The following AOAH variants were observed in gnomAD, a reference collection of about 807,000 sequenced individuals.
AOAH encodes acyloxyacyl hydrolase (neutrophil).
A neutral mutation model predicts 92.2 loss-of-function variants in AOAH; 64 were observed. The ratio of observed to expected loss-of-function variants is 0.69; its 90% CI spans 0.57 to 0.86. The LOEUF is 0.86. Among genes scored for constraint, AOAH ranks in the 40% least tolerant of loss-of-function variants. The pLI, the probability that AOAH is intolerant of heterozygous loss-of-function variation, is 0.00. For missense variants in AOAH, 656 were observed against 694.6 expected (o/e 0.94, Z 0.62); for synonymous variants, 263 against 254.5 (o/e 1.03, Z -0.32).
intron 13 of AOAH, among the ~76,000 whole-genome samples, chr7:36,559,747 C>T (rs1325640454): frequency 1.3e-5 from 2 of 152,044 alleles, no homozygotes; most frequent in African/African-American, 2.4e-5. Flanking sequence ...AATTAGGTCC[C>T]ACTTGTCAAT....
chr7:36,613,392 A>C (rs1791617043), intron 11 of AOAH, among the ~76,000 whole-genome samples: 1 of 152,254 alleles, frequency 6.6e-6, no homozygotes, highest in African/African-American at 2.4e-5. Flanking sequence ...AGCAGGAAAC[A>C]CAGAGAGTCT....
chr7:36,624,209 C>T (rs992079441), intron 6 of AOAH, among the ~76,000 whole-genome samples: 3 of 152,198 alleles, frequency 2.0e-5, no homozygotes. Flanking sequence ...GCATTTCATC[C>T]AATTCTTTGT....
intron 12 of AOAH, among the ~76,000 whole-genome samples, chr7:36,586,935 T>C (rs538269797): frequency 1.3e-5 from 2 of 152,190 alleles, no homozygotes; most frequent in African/African-American, 4.8e-5. Flanking sequence ...CATGTGCTTC[T>C]GCATTCAGTC....
chr7:36,559,424 T>G (rs1386510250), intron 13 of AOAH, among the ~76,000 whole-genome samples: 1 of 152,228 alleles, frequency 6.6e-6, no homozygotes, highest in African/African-American at 2.4e-5. Flanking sequence ...TTTCTGACTT[T>G]GTAATAATAG....
intron 3 of AOAH, among the ~76,000 whole-genome samples, chr7:36,661,506 G>T (rs1795211992): frequency 6.6e-6 from 1 of 152,142 alleles, no homozygotes; most frequent in African/African-American, 2.4e-5. Context: ...GTATTTTCCT[G>T]ACCTTTAGTC....
intron 1 of AOAH, among the ~76,000 whole-genome samples, chr7:36,690,634 T>G (rs1797340412): frequency 6.6e-6 from 1 of 152,212 alleles, no homozygotes; most frequent in African/African-American, 2.4e-5. Context: ...GACCTGGCTC[T>G]GTTAAAGTGA....
At chr7:36,582,434 C>A (rs374884310) in intron 12 of AOAH, among the ~76,000 whole-genome samples, 4 of 152,190 alleles carry the variant, frequency 2.6e-5, no homozygotes, top group African/African-American at 9.6e-5. Context: ...GCAGTACAGG[C>A]ATTTCATGTG....
rs183901342 is a variant in AOAH, at chr7:36,621,277, C to T, written c.653+433G>A. 4.6e-5 allele frequency among the ~76,000 whole-genome samples: 7 copies of T among 152,324 alleles called. No homozygotes were observed. In the East Asian group the frequency reaches 1.3e-3, roughly 29 times the overall value. On this transcript the variant is annotated intron_variant, in intron 8 of 20. Coordinates refer to ENST00000617537, the MANE Select transcript of AOAH (RefSeq NM_001637.4). Reference sequence around the variant, plus strand: ...GATGCAATTGAACCTCAGCCCAGGGCTAATATATGACATGTTTTCCATTCA... The same window carrying T: ...GATGCAATTGAACCTCAGCCCAGGGTTAATATATGACATGTTTTCCATTCA...
chr7:36,707,950 C>T (rs116381954), intron 1 of AOAH, among the ~76,000 whole-genome samples: 2,304 of 151,990 alleles, frequency 0.015, 53 homozygotes, highest in African/African-American at 0.052. Flanking sequence ...CATATCACCA[C>T]GCTGGGCTAA....
chr7:36,621,767 T>C lies in AOAH; in HGVS notation c.596A>G (p.Tyr199Cys). Residue 199 changes from tyrosine to cysteine, a missense_variant, in exon 8 of 21, where the codon TAT becomes TGT. By Grantham distance (194) the Tyr-to-Cys change is radical. Transcript: ENST00000617537. ...KYSVFPTLRG[Y>C]HWRGRDCNDS... ...ATTACAGTCTCTCCCCCGCCAGTGATAGCCCCGCAGTGTCTGAAATTGAAG... is the reference window on the plus strand; with the variant it reads ...ATTACAGTCTCTCCCCCGCCAGTGACAGCCCCGCAGTGTCTGAAATTGAAG... 1 of 1,614,166 alleles carries C rather than the reference T, an allele frequency of 6.2e-7. No individual in the cohort carries two copies. Among genetic ancestry groups the C allele is most frequent in the Non-Finnish European group, 8.5e-7 (1 of 1,180,006 alleles).
At chr7:36,651,479 G>T (rs145873212) in intron 4 of AOAH, among the ~76,000 whole-genome samples, 3,151 of 152,280 alleles carry the variant, frequency 0.021, 107 homozygotes, top group African/African-American at 0.072. Context: ...AAGTGTTCAA[G>T]AAATGTTTGT....
At position 36,637,853 on chromosome 7, in the gene AOAH, G is replaced by C. The variant is rs758993630; in HGVS notation, c.448C>G (p.Leu150Val). Residue 150 changes from leucine to valine, a missense_variant and splice_region_variant, in exon 5 of 21, where the codon CTG becomes GTG. Transcript: ENST00000617537. ...CGTTCTACGTGCTTAGTGCTTACCA[G>C]AATCGGGGACTTCTTGACAATTTGT... ...ARQIVKKSPI[L>V]KYSRSGSDIC... The C allele has an allele frequency of 9.9e-6, 16 of 1,613,870 alleles. No individual in the cohort carries two copies.
At chr7:36,535,694 C>G (rs560026580) in intron 16 of AOAH, among the ~76,000 whole-genome samples, 1 of 152,278 alleles carries the variant, frequency 6.6e-6, no homozygotes, top group Non-Finnish European at 1.5e-5. Context: ...TCGGCACGTT[C>G]GCTGTCAGGG....
chr7:36,636,455 G>T (rs73687592), intron 5 of AOAH, among the ~76,000 whole-genome samples: 4,545 of 152,266 alleles, frequency 0.03, 226 homozygotes, highest in African/African-American at 0.1. Flanking sequence ...AGGGGTGTGT[G>T]GAGAAGAATA....
chr7:36,678,259 G>A (rs973351223), intron 2 of AOAH, among the ~76,000 whole-genome samples: 2 of 152,138 alleles, frequency 1.3e-5, no homozygotes, highest in Admixed American at 1.3e-4. Flanking sequence ...ACTGGCTTCT[G>A]GCCTTGGAGA....
intron 15 of AOAH, among the ~76,000 whole-genome samples, chr7:36,544,242 G>T (rs961392589): frequency 2.6e-4 from 39 of 152,138 alleles, no homozygotes; most frequent in African/African-American, 9.2e-4. Flanking sequence ...ACTGCGCCCG[G>T]CCCCCTGAAA....
At chr7:36,609,225 T>A (rs562679124) in intron 11 of AOAH, among the ~76,000 whole-genome samples, 2 of 152,298 alleles carry the variant, frequency 1.3e-5, no homozygotes, top group African/African-American at 4.8e-5. Flanking sequence ...CCACTGTACT[T>A]TTCTAGCTTA....
intron 5 of AOAH, among the ~76,000 whole-genome samples, chr7:36,636,117 T>C (rs771416787): frequency 6.6e-6 from 1 of 152,088 alleles, no homozygotes; most frequent in Non-Finnish European, 1.5e-5. Context: ...GGTCTGAAGT[T>C]ATATCAGCCA....
chr7:36,718,744 T>C (rs960939255), intron 1 of AOAH, among the ~76,000 whole-genome samples: 1 of 152,050 alleles, frequency 6.6e-6, no homozygotes, highest in Non-Finnish European at 1.5e-5. Context: ...GAAATGCCCA[T>C]AGAGACAGGA....
Sources: allele counts gnomAD v4.1 joint callset (sites outside exome capture counted in the v4.1 genomes callset), GRCh38; gene constraint gnomAD v4.1.1; transcripts MANE v1.5; gene names NCBI Gene and HGNC (gene_info 2026-07-23, HGNC 2026-07-21).